KCNH5: variants seen among roughly 807,000 people sequenced by gnomAD.
KCNH5 encodes potassium voltage-gated channel subfamily H member 5, also known as voltage-gated delayed rectifier potassium channel KCNH5.
KCNH5 carries 46 observed loss-of-function variants against 96.1 expected under a neutral mutation model. The ratio of observed to expected loss-of-function variants is 0.48; its 90% CI spans 0.38 to 0.61. KCNH5 has a LOEUF of 0.61. Ranked by LOEUF, KCNH5 falls within the 20% of genes least tolerant of loss-of-function variation. The probability of loss-of-function intolerance (pLI) is 0.00; values close to 1 mark genes in which losing one functional copy is unlikely to be tolerated. For missense variants in KCNH5, 907 were observed against 1,225.8 expected, an observed-to-expected ratio of 0.74 and a Z score of 3.88; for synonymous variants, 439 against 449.8, an observed-to-expected ratio of 0.98 and a Z score of 0.30.
intron 4 of KCNH5, among the ~76,000 whole-genome samples, chr14:63,000,396 G>A (rs1890988836): frequency 6.6e-6 from 1 of 152,114 alleles, no homozygotes. Context: ...TAATTGGAGA[G>A]AATAAATTGG....
chr14:62,779,378 TA>T (rs1201042619), intron 10 of KCNH5, among the ~76,000 whole-genome samples: 2 of 152,128 alleles, frequency 1.3e-5, no homozygotes, highest in Non-Finnish European at 2.9e-5. Flanking sequence ...TTACCAGCTT[TA>T]AAAAAATCCA....
At chr14:63,002,448 T>C (rs1313581624) in intron 3 of KCNH5, among the ~76,000 whole-genome samples, 2 of 152,246 alleles carry the variant, frequency 1.3e-5, no homozygotes, top group Admixed American at 1.3e-4. Flanking sequence ...TTTCTCATTA[T>C]ATTCTCTTCA....
chr14:62,923,006 A>T (rs1286871203), intron 7 of KCNH5, among the ~76,000 whole-genome samples: 1 of 151,938 alleles, frequency 6.6e-6, no homozygotes, highest in East Asian at 1.9e-4. Context: ...CTCTGTTTGC[A>T]GACCTTATAT....
At chr14:62,958,928 T>C (rs929279372) in intron 6 of KCNH5, among the ~76,000 whole-genome samples, 15 of 152,082 alleles carry the variant, frequency 9.9e-5, no homozygotes, top group African/African-American at 3.4e-4. Flanking sequence ...CCATACCCTC[T>C]TCAACTACAC....
intron 7 of KCNH5, among the ~76,000 whole-genome samples, chr14:62,908,590 T>C (rs1889075825): frequency 6.6e-6 from 1 of 152,052 alleles, no homozygotes; most frequent in African/African-American, 2.4e-5. Context: ...AGAAGGGACA[T>C]AAAGCTGCAA....
intron 6 of KCNH5, among the ~76,000 whole-genome samples, chr14:62,973,177 A>G (rs1890441279): frequency 6.6e-6 from 1 of 152,190 alleles, no homozygotes; most frequent in Non-Finnish European, 1.5e-5. Context: ...AGCGGTCTTA[A>G]AAATTAAAGT....
rs1891907907 is a variant in KCNH5 at position 63,045,449 on chromosome 14, C to G, written c.-263G>C. ...CTGTGGCGGTGCCGCACACGGGGCT[C>G]GGGAACTGCAGGCTCCGCGGGGCAC... On this transcript the variant is annotated 5_prime_UTR_variant, in exon 1 of 11. Transcript: ENST00000322893. 2 of 504,898 alleles carry G rather than the reference C, an allele frequency of 4.0e-6. No individual in the cohort carries two copies. Among genetic ancestry groups the G allele is most frequent in the Non-Finnish European group, 7.2e-6 (2 of 278,850 alleles). 31.3% of individuals were successfully genotyped at this position (504,898 alleles called of 1,614,324 possible).
chr14:62,833,331 G>T (rs937950339), intron 8 of KCNH5, among the ~76,000 whole-genome samples: 2 of 151,716 alleles, frequency 1.3e-5, no homozygotes, highest in Non-Finnish European at 2.9e-5. Context: ...TATAATATAG[G>T]GGTTTAAGTT....
chr14:62,881,573 C>G (rs1888492725), intron 7 of KCNH5, among the ~76,000 whole-genome samples: 1 of 151,938 alleles, frequency 6.6e-6, no homozygotes, highest in Admixed American at 6.6e-5. Context: ...CAGCAAACCC[C>G]CAGGACACGA....
At chr14:62,878,261 T>C (rs1888422868) in intron 7 of KCNH5, among the ~76,000 whole-genome samples, 1 of 151,534 alleles carries the variant, frequency 6.6e-6, no homozygotes, top group African/African-American at 2.4e-5. Context: ...GACTAGTTAA[T>C]GGGTCCAGCA....
At chr14:62,771,766 C>G (rs925562290) in intron 10 of KCNH5, among the ~76,000 whole-genome samples, 1 of 152,076 alleles carries the variant, frequency 6.6e-6, no homozygotes, top group Non-Finnish European at 1.5e-5. Context: ...CCAATGGGCC[C>G]CACTCCATGA....
At chr14:62,880,840 T>C (rs761073645) in intron 7 of KCNH5, among the ~76,000 whole-genome samples, 56 of 152,196 alleles carry the variant, frequency 3.7e-4, no homozygotes, top group Middle Eastern at 3.2e-3. Flanking sequence ...CTCAGAAACA[T>C]AGACTTATTT....
chr14:62,773,554 T>C (rs886636581), intron 10 of KCNH5, among the ~76,000 whole-genome samples: 1 of 152,194 alleles, frequency 6.6e-6, no homozygotes, highest in Non-Finnish European at 1.5e-5. Flanking sequence ...TGCATGGCTA[T>C]ATGGTGAGCC....
chr14:62,933,851 G>A (rs1449222189), intron 7 of KCNH5, among the ~76,000 whole-genome samples: 3 of 152,150 alleles, frequency 2.0e-5, no homozygotes, highest in Non-Finnish European at 4.4e-5. Context: ...GAAGGCAGGA[G>A]AACCAGAGAC....
intron 7 of KCNH5, among the ~76,000 whole-genome samples, chr14:62,928,360 A>G (rs1304337625): frequency 6.6e-6 from 1 of 152,112 alleles, no homozygotes; most frequent in Non-Finnish European, 1.5e-5. Context: ...TAGATTCTTA[A>G]TTAGTTGCAG....
chr14:63,028,828 A>G (rs960769052), intron 1 of KCNH5, among the ~76,000 whole-genome samples: 1 of 152,176 alleles, frequency 6.6e-6, no homozygotes, highest in Admixed American at 6.6e-5. Context: ...AATAATATAG[A>G]ATATGGACAA....
At position 62,703,557 on chromosome 14, in the gene KCNH5, ATAAT is replaced by A. The variant is rs756918514; in HGVS notation, c.*3947_*3950del. 2 of 151,908 alleles carry A rather than the reference ATAAT, an allele frequency of 1.3e-5. No individual in the cohort carries two copies. The highest frequency in any genetic ancestry group is 3.0e-5 in the Non-Finnish European group (2 of 67,786). The allele number at this position is 151,908 out of a possible 1,614,324, so 9.4% of individuals were successfully genotyped here. On this transcript the variant is annotated 3_prime_UTR_variant, in exon 11 of 11. Transcript: ENST00000322893. ...TACACTAGGAAAGGTTAACTTGCCC[ATAAT>A]TACACTTCTAGTTTGTGGTAAAGCT... is the stretch of plus-strand genomic sequence containing the variant.
chr14:62,784,164 C>T (rs913696170), intron 9 of KCNH5, among the ~76,000 whole-genome samples: 3 of 152,204 alleles, frequency 2.0e-5, no homozygotes, highest in African/African-American at 7.2e-5. Flanking sequence ...AAAGTCACGT[C>T]TTACACGGTG....
At chr14:62,772,919 T>C (rs1886021284) in intron 10 of KCNH5, among the ~76,000 whole-genome samples, 1 of 152,224 alleles carries the variant, frequency 6.6e-6, no homozygotes, top group African/African-American at 2.4e-5. Context: ...TTGAGAGTCC[T>C]GTCCACTGAC....
Sources: gnomAD v4.1 joint callset for allele counts (sites outside exome capture counted in the v4.1 genomes callset) on GRCh38, gnomAD v4.1.1 for gene constraint, MANE v1.5 for transcripts, NCBI Gene and HGNC (gene_info 2026-07-23, HGNC 2026-07-21) for gene names.